UBR2: variants seen among roughly 807,000 people sequenced by gnomAD.
UBR2 encodes the protein ubiquitin protein ligase E3 component n-recognin 2.
UBR2 carries 92 observed loss-of-function variants against 247.9 expected under a neutral mutation model. The ratio of observed to expected loss-of-function variants is 0.37; its 90% CI spans 0.31 to 0.44. The LOEUF is 0.44. Ranked by LOEUF, UBR2 falls within the 20% of genes least tolerant of loss-of-function variation. The pLI is 1.00. For synonymous variants in UBR2, 672 were observed against 693.5 expected (o/e 0.97, Z 0.49); for missense variants, 1,613 against 2,112.6 (o/e 0.76, Z 4.64).
chr6:42,583,668 C>T lies in UBR2; in HGVS notation c.339-8483C>T, dbSNP rs112927503. On this transcript the variant is annotated intron_variant, in intron 2 of 46. Transcript: ENST00000372901. ...TCCTGAGTAGCTAGGACTACAGGCACGCACCACCAGTCCCAGCTAATTTTT... is the reference window on the plus strand; with the variant it reads ...TCCTGAGTAGCTAGGACTACAGGCATGCACCACCAGTCCCAGCTAATTTTT... Among the ~76,000 whole-genome samples, 187 of 151,980 alleles carry T rather than the reference C, an allele frequency of 1.2e-3. 3 individuals carry two copies. Among genetic ancestry groups the T allele is most frequent in the African/African-American group, 4.2e-3 (176 of 41,438 alleles).
At chr6:42,612,742 A>G (rs1335055331) in intron 8 of UBR2, among the ~76,000 whole-genome samples, 1 of 152,190 alleles carries the variant, frequency 6.6e-6, no homozygotes, top group East Asian at 1.9e-4. Flanking sequence ...GACTCCAACA[A>G]CTTTGGTTAC....
rs945460182 is a variant in UBR2, at chr6:42,623,347, G to A, written c.1281+5840G>A. On this transcript the variant is annotated intron_variant, in intron 11 of 46. Transcript: ENST00000372901. ...AGAGGGAGCCTTGTGATGTTGCCCAGCCTGCCCTCAAATTCCTGGGCTCAA... is the reference window on the plus strand; with the variant it reads ...AGAGGGAGCCTTGTGATGTTGCCCAACCTGCCCTCAAATTCCTGGGCTCAA... Among the ~76,000 whole-genome samples, 10 of 152,216 alleles carry A rather than the reference G, an allele frequency of 6.6e-5. No individual in the cohort carries two copies. In the East Asian group the frequency reaches 1.9e-3, roughly 29 times the overall value.
At chr6:42,586,304 G>A (rs1451941895) in intron 2 of UBR2, among the ~76,000 whole-genome samples, 1 of 152,012 alleles carries the variant, frequency 6.6e-6, no homozygotes, top group Non-Finnish European at 1.5e-5. Flanking sequence ...AGGTTGCAGC[G>A]AGTTGAGATT....
At chr6:42,579,739 A>G (rs1791756497) in intron 2 of UBR2, among the ~76,000 whole-genome samples, 1 of 152,172 alleles carries the variant, frequency 6.6e-6, no homozygotes. Flanking sequence ...AAACTCCTGG[A>G]TCAAGAGATC....
At chr6:42,592,512 G>A (rs546043958) in intron 3 of UBR2, among the ~76,000 whole-genome samples, 2 of 152,218 alleles carry the variant, frequency 1.3e-5, no homozygotes, top group South Asian at 2.1e-4. Context: ...TATTAAAGAG[G>A]CATCTACTAC....
In UBR2 at chr6:42,658,829, A is replaced by T. The variant is rs1379745965; in HGVS notation, c.3242+5A>T. ...CTCTGCTGTTCTTGATCATAGGTAAAAAAAAAAAAAAAAAAAATTAATGTC... is the reference window on the plus strand; with the variant it reads ...CTCTGCTGTTCTTGATCATAGGTAATAAAAAAAAAAAAAAAAATTAATGTC... On this transcript the variant is annotated splice_donor_5th_base_variant and intron_variant, in intron 29 of 46. Coordinates refer to ENST00000372901, the MANE Select transcript of UBR2 (RefSeq NM_001363705.2). 1 of 806,598 alleles carries T rather than the reference A, an allele frequency of 1.2e-6. No homozygotes were observed. The allele number at this position is 806,598 out of a possible 1,614,324, so 50.0% of individuals were successfully genotyped here.
chr6:42,680,377 A>C (rs1562397607), intron 42 of UBR2, among the ~76,000 whole-genome samples: 1 of 152,172 alleles, frequency 6.6e-6, no homozygotes, highest in Non-Finnish European at 1.5e-5. Context: ...ATGGAAGGGG[A>C]ATAGTGGTAG....
At position 42,691,040 on chromosome 6, in the gene UBR2, A is replaced by C; in HGVS notation, c.5135A>C (p.Asn1712Thr). 6.2e-7 allele frequency: 1 copy of C among 1,613,996 alleles called. No individual in the cohort carries two copies. Among genetic ancestry groups the C allele is most frequent in the South Asian group, 1.1e-5 (1 of 91,068 alleles). Reference protein sequence around the residue: ...GETDQGLRRGNPLHLCKERFK... With the variant: ...GETDQGLRRGTPLHLCKERFK... ...GTGTCTTCTCTTTCTAGACGGGGAA[A>C]TCCTTTACATTTATGCAAAGAGCGA... Residue 1712 changes from asparagine to threonine, a missense_variant, in exon 47 of 47, where the codon AAT (asparagine) becomes ACT (threonine). Around this residue, in one of 3 missense-constraint regions of UBR2, gnomAD observed 80 missense variants for 108.6 expected, o/e 0.74. Transcript: ENST00000372901.
At chr6:42,684,384 G>A (rs933897681) in intron 43 of UBR2, among the ~76,000 whole-genome samples, 1 of 151,632 alleles carries the variant, frequency 6.6e-6, no homozygotes, top group Non-Finnish European at 1.5e-5. Flanking sequence ...AGACCATCCT[G>A]GCTAATACGG....
At position 42,612,220 on chromosome 6, in the gene UBR2, C is replaced by G; in HGVS notation, c.914C>G (p.Ser305Trp). 1.3e-6 allele frequency: 2 copies of G among 1,550,976 alleles called. No individual in the cohort carries two copies. Among genetic ancestry groups the G allele is most frequent in the South Asian group, 1.2e-5 (1 of 83,082 alleles). Residue 305 changes from serine (S) to tryptophan (W), a missense_variant, in exon 8 of 47, where the codon TCG becomes TGG. By Grantham distance (177) the Ser-to-Trp change is radical. Transcript: ENST00000372901. ...TKPLKVQVMH[S>W]SIVAHQNFGL... ...CCACTCAAAGTTCAAGTTATGCATT[C>G]GTCTATTGTCGCACATCAGAATTTT...
At position 42,659,520 on chromosome 6, in the gene UBR2, TACACACACACACACACACACACACACAC is replaced by T. The variant is rs59248267; in HGVS notation, c.3243-121_3243-94del. The T allele has an allele frequency of 2.2e-5, 11 of 502,968 alleles. No homozygotes were observed. Among genetic ancestry groups the T allele is most frequent in the African/African-American group, 8.3e-5 (4 of 47,980 alleles). 31.2% of individuals were successfully genotyped at this position (502,968 alleles called of 1,614,324 possible). A position where few individuals can be genotyped will look rare whatever the true frequency, so the allele number is the denominator to read the frequency against. On this transcript the variant is annotated intron_variant, in intron 29 of 46. Transcript: ENST00000372901. This position sits in a 1 kb window ranked among gnomAD's most constrained non-coding sequence, Gnocchi z 4.3. ...GTCTCAAAAAATAAATAAATATATA[TACACACACACACACACACACACACACAC>T]ACACACACACACACTACACACACAC...
At chr6:42,617,817 T>C (rs1794658894) in intron 11 of UBR2, among the ~76,000 whole-genome samples, 1 of 152,202 alleles carries the variant, frequency 6.6e-6, no homozygotes, top group South Asian at 2.1e-4. Context: ...CCGATTGATT[T>C]CACAAATTAT....
chr6:42,654,219 C>T (rs1797297338), intron 25 of UBR2, among the ~76,000 whole-genome samples: 1 of 152,232 alleles, frequency 6.6e-6, no homozygotes, highest in South Asian at 2.1e-4. Context: ...TGTACTAGCT[C>T]ACTACTAGTA....
At chr6:42,584,987 T>A (rs1048129235) in intron 2 of UBR2, among the ~76,000 whole-genome samples, 1 of 152,164 alleles carries the variant, frequency 6.6e-6, no homozygotes, top group Non-Finnish European at 1.5e-5. Flanking sequence ...TTTCTTGTGC[T>A]CCATTGCTCT....
rs541129244 is a variant in UBR2 at position 42,658,225 on chromosome 6, C to CT, written c.2983-5dup. ...TCATATTTCATACAGGATACTGATA[C>CT]TTTTTTTTTTGTAGACTTTTAATGC... On this transcript the variant is annotated splice_polypyrimidine_tract_variant and intron_variant, in intron 27 of 46. Transcript: ENST00000372901. The CT allele has an allele frequency of 6.7e-3, 8,099 of 1,205,282 alleles. No individual in the cohort carries two copies. Among genetic ancestry groups the CT allele is most frequent in the Admixed American group, 8.0e-3 (380 of 47,350 alleles). 74.7% of individuals were successfully genotyped at this position (1,205,282 alleles called of 1,614,324 possible).
rs1797753784 is a variant in UBR2, at chr6:42,660,844, G to C, written c.3442+989G>C. Among the ~76,000 whole-genome samples, 2 of 151,818 alleles carry C rather than the reference G, an allele frequency of 1.3e-5. 1 individual carries two copies. Among genetic ancestry groups the C allele is most frequent in the South Asian group, 4.1e-4 (2 of 4,824 alleles). On this transcript the variant is annotated intron_variant, in intron 30 of 46. Transcript: ENST00000372901. Reference sequence around the variant, plus strand: ...TAGCCAAATTTGGTGGCACGCGCCTGTAGTCCCAGCTACTCAAGAGGCTGA... The same window carrying C: ...TAGCCAAATTTGGTGGCACGCGCCTCTAGTCCCAGCTACTCAAGAGGCTGA...
intron 36 of UBR2, among the ~76,000 whole-genome samples, chr6:42,672,009 A>C (rs149832451): frequency 6.6e-6 from 1 of 151,754 alleles, no homozygotes; most frequent in Non-Finnish European, 1.5e-5. Flanking sequence ...TTTCACCACT[A>C]TTCATCCAGG....
At chr6:42,660,653 T>G (rs1034071049) in intron 30 of UBR2, among the ~76,000 whole-genome samples, 5 of 152,158 alleles carry the variant, frequency 3.3e-5, no homozygotes, top group Non-Finnish European at 7.3e-5. Context: ...AAGGTTGGTC[T>G]GCTTCATCTT....
At chr6:42,679,458 C>G (rs1443776380) in intron 41 of UBR2, among the ~76,000 whole-genome samples, 3 of 152,256 alleles carry the variant, frequency 2.0e-5, no homozygotes, top group Non-Finnish European at 4.4e-5. Flanking sequence ...GTAGATTGTG[C>G]AGGCACACCA....
Sources: allele counts gnomAD v4.1 joint callset (sites outside exome capture counted in the v4.1 genomes callset), GRCh38; gene constraint gnomAD v4.1.1; regional missense constraint gnomAD v4.1.1; non-coding constraint Gnocchi (gnomAD v3.1); transcripts MANE v1.5; gene names NCBI Gene and HGNC (gene_info 2026-07-23, HGNC 2026-07-21).